Variants in HEG1 observed in about 807,000 individuals in gnomAD.
HEG1 encodes the protein heart development protein with EGF like domains 1, also known as protein HEG homolog 1.
A neutral mutation model predicts 125.6 loss-of-function variants in HEG1; 56 were observed. The observed-to-expected ratio is 0.45, with a 90% CI of 0.36 to 0.56. HEG1 has a LOEUF of 0.56. HEG1 is among the 20% of genes least tolerant of loss of function. HEG1 has a pLI of 0.00. For synonymous variants in HEG1, 644 were observed against 668.5 expected (o/e 0.96, Z 0.57); for missense variants, 1,523 against 1,670.0 (o/e 0.91, Z 1.53).
At chr3:125,015,686 A>G (rs1459934786) in intron 5 of HEG1, among the ~76,000 whole-genome samples, 2 of 152,144 alleles carry the variant, frequency 1.3e-5, no homozygotes, top group Non-Finnish European at 2.9e-5. Context: ...CTTAGAACTA[A>G]TTTTAGATTG....
At chr3:125,024,602 C>A (rs546904053) in intron 3 of HEG1, among the ~76,000 whole-genome samples, 1 of 152,352 alleles carries the variant, frequency 6.6e-6, no homozygotes, top group African/African-American at 2.4e-5. Flanking sequence ...TTTCTGATCT[C>A]TTTTTAAAAA....
chr3:124,974,444 T>C (rs1341811032), intron 15 of HEG1, among the ~76,000 whole-genome samples: 1 of 152,130 alleles, frequency 6.6e-6, no homozygotes, highest in Non-Finnish European at 1.5e-5. Context: ...CACCTTTTGC[T>C]ACTAGAAGGT....
At position 125,001,755 on chromosome 3, in the gene HEG1, G is replaced by A. The variant is rs191058990; in HGVS notation, c.3517+97C>T. On this transcript the variant is annotated intron_variant, in intron 11 of 16. Coordinates refer to ENST00000311127, the MANE Select transcript of HEG1 (RefSeq NM_020733.2). ...CATGCCAAAAATAGGCTCTGTGAGG[G>A]CCTTTCCTGGGCCTGAGCCCTGGAT... 3.4e-5 allele frequency: 46 copies of A among 1,350,822 alleles called. No individual in the cohort carries two copies. The Middle Eastern group carries it at 1.0e-3, about 30-fold the overall frequency. The allele number at this position is 1,350,822 out of a possible 1,614,324, so 83.7% of individuals were successfully genotyped here.
intron 3 of HEG1, among the ~76,000 whole-genome samples, chr3:125,021,516 T>C (rs1937335824): frequency 6.6e-6 from 1 of 152,272 alleles, no homozygotes; most frequent in African/African-American, 2.4e-5. Flanking sequence ...TTTAGCAATG[T>C]AACCTTTTTG....
At chr3:125,006,165 T>C (rs1937069256) in intron 8 of HEG1, among the ~76,000 whole-genome samples, 1 of 152,130 alleles carries the variant, frequency 6.6e-6, no homozygotes, top group South Asian at 2.1e-4. Context: ...GGGGCTATAC[T>C]CCATGGGGCT....
At position 124,997,846 on chromosome 3, in the gene HEG1, T is replaced by C. The variant is rs773632597; in HGVS notation, c.3518-23A>G. 6 of 1,555,308 alleles carry C rather than the reference T, an allele frequency of 3.9e-6. No individual in the cohort carries two copies. The East Asian group carries it at 1.4e-4, about 36-fold the overall frequency. The stretch of plus-strand genomic sequence containing the variant: ...CCGCTGGAATGGAAAAACAAGACAG[T>C]GAAACAAAACAAAACCTTCTCCACT... On this transcript the variant is annotated intron_variant, in intron 11 of 16. Coordinates refer to ENST00000311127, the MANE Select transcript of HEG1 (RefSeq NM_020733.2).
At chr3:125,038,775 C>T (rs1174603245) in intron 1 of HEG1, among the ~76,000 whole-genome samples, 1 of 152,116 alleles carries the variant, frequency 6.6e-6, no homozygotes. Context: ...AAAGAACCTG[C>T]TCTTATTCTT....
At chr3:124,989,399 A>G (rs1332546440) in intron 14 of HEG1, among the ~76,000 whole-genome samples, 2 of 152,222 alleles carry the variant, frequency 1.3e-5, no homozygotes, top group East Asian at 3.8e-4. Context: ...GTAAACTTAT[A>G]AAATAGTCCA....
chr3:124,979,251 C>T (rs1475185646), intron 14 of HEG1, among the ~76,000 whole-genome samples: 4 of 152,094 alleles, frequency 2.6e-5, no homozygotes, highest in African/African-American at 9.7e-5. Flanking sequence ...CATGCCTGGC[C>T]TAAAAATTCT....
intron 15 of HEG1, 134 bp from the exon 16 acceptor site, chr3:124,974,039 G>T (rs914214959): frequency 1.6e-6 from 1 of 618,064 alleles, no homozygotes; most frequent in Non-Finnish European, 2.8e-6. Context: ...CCACTGAGTA[G>T]TATTATTATT....
intron 1 of HEG1, among the ~76,000 whole-genome samples, chr3:125,034,442 T>G (rs1182942948): frequency 8.6e-5 from 13 of 151,810 alleles, no homozygotes; most frequent in Non-Finnish European, 1.5e-4. Context: ...ATAAAAAAAG[T>G]AATAATTGAA....
chr3:125,013,500 T>C lies in HEG1; in HGVS notation c.2079A>G (p.Pro693=). ...QSHHLFSSIL[P]STRASVHLLK... ...GTAGATGCACAGAGGCCCTGGTTGA[T>C]GGTAAAATTGATGAAAATAAATGGT... The change falls in exon 6 of 17, where the codon CCA becomes CCG. Residue 693 remains proline (P), a synonymous_variant. Coordinates refer to ENST00000311127, the MANE Select transcript of HEG1 (RefSeq NM_020733.2). The C allele has an allele frequency of 6.2e-7, 1 of 1,613,282 alleles. No individual in the cohort carries two copies. The highest frequency in any genetic ancestry group is 2.2e-5 in the East Asian group (1 of 44,856).
In HEG1 at chr3:124,991,635, G is replaced by A. The variant is rs374116075; in HGVS notation, c.3653-649C>T. On this transcript the variant is annotated intron_variant, in intron 12 of 16. Coordinates refer to ENST00000311127, the MANE Select transcript of HEG1 (RefSeq NM_020733.2). ...AGTTGTAATTATTATTACTTTTTGA[G>A]ATGAGTAGCTTTGTTGCCCAGGCTA... 2.6e-5 allele frequency among the ~76,000 whole-genome samples: 4 copies of A among 151,858 alleles called. No homozygotes were observed. The East Asian group carries it at 5.9e-4, about 22-fold the overall frequency.
At chr3:125,004,989 A>T (rs1196201981) in intron 9 of HEG1, among the ~76,000 whole-genome samples, 1 of 152,208 alleles carries the variant, frequency 6.6e-6, no homozygotes, top group African/African-American at 2.4e-5. Context: ...TGTCATCAGC[A>T]TGTCTGTAAC....
At chr3:125,019,894 T>C (rs1158128206) in intron 4 of HEG1, among the ~76,000 whole-genome samples, 1 of 152,190 alleles carries the variant, frequency 6.6e-6, no homozygotes, top group African/African-American at 2.4e-5. Flanking sequence ...ATAAAAAGTG[T>C]TCGAGAGAGT....
At chr3:125,034,724 C>T (rs562043432) in intron 1 of HEG1, among the ~76,000 whole-genome samples, 6 of 152,050 alleles carry the variant, frequency 3.9e-5, no homozygotes, top group South Asian at 2.1e-4. Flanking sequence ...TGCTTGAGCC[C>T]GAGACATGGA....
At chr3:125,022,964 C>T (rs533125774) in intron 3 of HEG1, among the ~76,000 whole-genome samples, 1 of 152,236 alleles carries the variant, frequency 6.6e-6, no homozygotes, top group South Asian at 2.1e-4. Flanking sequence ...GAGGTTGAGG[C>T]GGGTGGGTCA....
chr3:125,022,708 T>G (rs2948789), intron 3 of HEG1, among the ~76,000 whole-genome samples: 71,945 of 147,888 alleles, frequency 0.49, 17,704 homozygotes, highest in Middle Eastern at 0.64. Flanking sequence ...AATAAATAAA[T>G]AAAAAGAAAA....
intron 8 of HEG1, among the ~76,000 whole-genome samples, chr3:125,008,818 A>C (rs1357377850): frequency 6.6e-5 from 1 of 15,180 alleles, no homozygotes; most frequent in Non-Finnish European, 1.3e-4. Context: ...AAAACAAAAA[A>C]CACAAAAACA....
Sources: allele counts gnomAD v4.1 joint callset (sites outside exome capture counted in the v4.1 genomes callset), GRCh38; gene constraint gnomAD v4.1.1; transcripts MANE v1.5; gene names NCBI Gene and HGNC (gene_info 2026-07-23, HGNC 2026-07-21).